The following TUSC3 variants were observed in gnomAD, a reference collection of about 807,000 sequenced individuals.
The protein encoded by TUSC3 is dolichyl-diphosphooligosaccharide--protein glycosyltransferase subunit TUSC3.
TUSC3 carries 45 observed loss-of-function variants against 44.8 expected under a neutral mutation model. The ratio of observed to expected loss-of-function variants is 1.00; its 90% CI spans 0.79 to 1.29. The LOEUF (loss-of-function observed/expected upper bound fraction) is 1.29. TUSC3 is among the 50% of genes most tolerant of loss of function. TUSC3 has a pLI of 0.00. For missense variants in TUSC3, 519 were observed against 437.9 expected, an observed-to-expected ratio of 1.19 and a Z score of -1.65; for synonymous variants, 212 against 152.9, an observed-to-expected ratio of 1.39 and a Z score of -2.85.
chr8:15,802,955 T>G, the TUSC3 span, among the ~76,000 whole-genome samples: 4 of 152,106 alleles, frequency 2.6e-5, no homozygotes, highest in Non-Finnish European at 5.9e-5. Flanking sequence ...CTGCAATAAC[T>G]GCGGCATAAA....
intron 3 of TUSC3, among the ~76,000 whole-genome samples, chr8:15,656,436 A>G (rs1438546900): frequency 1.3e-5 from 2 of 152,248 alleles, no homozygotes; most frequent in African/African-American, 4.8e-5. Flanking sequence ...AATAGGCAAG[A>G]AAAGAAAAAG....
At chr8:15,839,766 T>G in the TUSC3 span, among the ~76,000 whole-genome samples, 6 of 152,198 alleles carry the variant, frequency 3.9e-5, no homozygotes, top group African/African-American at 1.4e-4. Context: ...GGAACACTTT[T>G]ACACTGTTGG....
chr8:15,691,983 G>C (rs879679844), intron 6 of TUSC3, among the ~76,000 whole-genome samples: 3 of 152,088 alleles, frequency 2.0e-5, no homozygotes, highest in Non-Finnish European at 4.4e-5. Flanking sequence ...GTCTCACCAT[G>C]TTGGCCAGGC....
chr8:15,552,475 A>G (rs1802091670), intron 1 of TUSC3, among the ~76,000 whole-genome samples: 2 of 151,758 alleles, frequency 1.3e-5, no homozygotes, highest in Admixed American at 1.3e-4. Context: ...CTGGGAAATA[A>G]TGGGCGCTAT....
intron 1 of TUSC3, among the ~76,000 whole-genome samples, chr8:15,454,240 C>T (rs761970848): frequency 6.6e-6 from 1 of 152,100 alleles, no homozygotes; most frequent in Non-Finnish European, 1.5e-5. Context: ...CCCCCTTGGC[C>T]CTCTTCCAAG....
intron 2 of TUSC3, among the ~76,000 whole-genome samples, chr8:15,521,613 C>T (rs1024842693): frequency 9.1e-6 from 1 of 109,732 alleles, no homozygotes. Flanking sequence ...TAGGTAATTA[C>T]CCCCCCCAAA....
intron 1 of TUSC3, among the ~76,000 whole-genome samples, chr8:15,605,833 TTAACTG>T (rs1203098880): frequency 6.6e-6 from 1 of 151,996 alleles, no homozygotes; most frequent in Non-Finnish European, 1.5e-5. Flanking sequence ...CTGCATAAAA[TTAACTG>T]TAGTACGTTA....
At chr8:15,599,057 C>A (rs1207328993) in intron 1 of TUSC3, among the ~76,000 whole-genome samples, 1 of 151,794 alleles carries the variant, frequency 6.6e-6, no homozygotes, top group Non-Finnish European at 1.5e-5. Flanking sequence ...TGTATTCCTA[C>A]CAGCAATGAA....
intron 6 of TUSC3, among the ~76,000 whole-genome samples, chr8:15,723,236 A>T (rs1285388356): frequency 2.0e-5 from 3 of 152,146 alleles, no homozygotes; most frequent in African/African-American, 7.2e-5. Flanking sequence ...CAGATCGTGC[A>T]GTAAGTTCAG....
At chr8:15,470,717 C>G (rs984341029) in intron 1 of TUSC3, among the ~76,000 whole-genome samples, 3 of 152,160 alleles carry the variant, frequency 2.0e-5, no homozygotes, top group African/African-American at 7.2e-5. Context: ...GCCAAAGCCA[C>G]TGTCTCAGTG....
chr8:15,728,172 C>G (rs1177057067), intron 6 of TUSC3, among the ~76,000 whole-genome samples: 2 of 152,122 alleles, frequency 1.3e-5, no homozygotes, highest in African/African-American at 4.8e-5. Flanking sequence ...TCTCACACAT[C>G]TGAGAAAGCA....
At chr8:15,709,540 G>C (rs577944721) in intron 6 of TUSC3, among the ~76,000 whole-genome samples, 5 of 151,898 alleles carry the variant, frequency 3.3e-5, no homozygotes, top group Non-Finnish European at 5.9e-5. Flanking sequence ...TCCAGATGAA[G>C]CTCCCATTGA....
intron 1 of TUSC3, among the ~76,000 whole-genome samples, chr8:15,588,977 G>A (rs1181695876): frequency 6.6e-6 from 1 of 152,136 alleles, no homozygotes; most frequent in Non-Finnish European, 1.5e-5. Context: ...ATTGTTTGAA[G>A]TTGGGTAATG....
intron 2 of TUSC3, among the ~76,000 whole-genome samples, chr8:15,501,009 T>A (rs1185764228): frequency 6.6e-6 from 1 of 152,270 alleles, no homozygotes; most frequent in East Asian, 1.9e-4. Flanking sequence ...TAATACCAAA[T>A]AACAGTTTTC....
intron 9 of TUSC3, chr8:15,748,855 A>G (rs941917287): frequency 7.3e-6 from 3 of 409,564 alleles, no homozygotes; most frequent in Non-Finnish European, 1.4e-5. Flanking sequence ...TGAATTCTAC[A>G]AAATTTTAAC....
intron 1 of TUSC3, among the ~76,000 whole-genome samples, chr8:15,453,796 C>T (rs1032182309): frequency 2.0e-5 from 3 of 152,114 alleles, no homozygotes; most frequent in African/African-American, 4.8e-5. Context: ...GAATGTCAGG[C>T]GACCACTAGG....
the TUSC3 span, among the ~76,000 whole-genome samples, chr8:15,831,579 C>G: frequency 6.6e-6 from 1 of 152,034 alleles, no homozygotes; most frequent in African/African-American, 2.4e-5. Context: ...AACAGACAGA[C>G]AAAATAGCCA....
intron 8 of TUSC3, 63 bp from the exon 9 acceptor site, chr8:15,748,312 T>C (rs528391455): frequency 4.8e-6 from 6 of 1,237,434 alleles, no homozygotes; most frequent in Middle Eastern, 2.0e-4. Flanking sequence ...TTTAAAAATA[T>C]AAACAATTGG....
the TUSC3 span, among the ~76,000 whole-genome samples, chr8:15,837,038 CTGTT>C: frequency 2.6e-5 from 4 of 152,030 alleles, no homozygotes; most frequent in South Asian, 4.1e-4. Context: ...TCTTTTATCA[CTGTT>C]TGTCTGACTG....
Sources: allele counts gnomAD v4.1 joint callset (sites outside exome capture counted in the v4.1 genomes callset), GRCh38; gene constraint gnomAD v4.1.1; transcripts MANE v1.5; gene names NCBI Gene and HGNC (gene_info 2026-07-23, HGNC 2026-07-21).